The following LYPD4 variants were observed in gnomAD, a reference collection of about 807,000 sequenced individuals.
LYPD4 encodes the protein ly6/PLAUR domain-containing protein 4.
Under a neutral mutation model 18.2 loss-of-function variants are expected in LYPD4, and 20 were observed. The observed-to-expected ratio is 1.10, with a 90% CI of 0.77 to 1.59. LYPD4 has a LOEUF of 1.59. LYPD4 is among the 40% of genes most tolerant of loss of function. LYPD4 has a pLI of 0.00. For synonymous variants in LYPD4, 111 were observed against 118.3 expected (o/e 0.94, Z 0.40); for missense variants, 278 against 300.3 (o/e 0.93, Z 0.55).
chr19:41,839,147 C>T (rs572111469), intron 2 of LYPD4, 72 bp downstream of exon 2: 27 of 1,613,188 alleles, frequency 1.7e-5, no homozygotes, highest in East Asian at 6.7e-5. Context: ...ACCCAGCCCT[C>T]GTTCCACCAG....
At chr19:41,840,808 C>T (rs754925574) in intron 1 of LYPD4, among the ~76,000 whole-genome samples, 9 of 148,956 alleles carry the variant, frequency 6.0e-5, no homozygotes, top group Non-Finnish European at 1.0e-4. Flanking sequence ...CCAGCCTGGA[C>T]GACAGAGCGA....
downstream of LYPD4, chr19:41,836,998 C>T (rs2073386144): frequency 2.1e-6 from 3 of 1,442,624 alleles, no homozygotes; most frequent in Middle Eastern, 2.6e-4. Flanking sequence ...TTCCTGGGTC[C>T]CCACCTCCCT....
chr19:41,836,634 A>G (rs1428430866), downstream of LYPD4, among the ~76,000 whole-genome samples: 2 of 151,960 alleles, frequency 1.3e-5, no homozygotes, highest in African/African-American at 4.8e-5. Context: ...AGTCGCTCCC[A>G]TGTAAAATCC....
chr19:41,837,059 C>T (rs905165118), downstream of LYPD4: 11 of 1,591,324 alleles, frequency 6.9e-6, no homozygotes, highest in Admixed American at 5.2e-5. Context: ...CTCTCATGGA[C>T]CACAGGACAA....
chr19:41,842,764 CAAAAAAAAAAAA>C lies in LYPD4; in HGVS notation c.-121+802_-121+813del, dbSNP rs782233081. On this transcript the variant is annotated intron_variant, in intron 1 of 4. Transcript: ENST00000609812. ...CAATAAGAGTGAAACTCCGTCTAAA[CAAAAAAAAAAAA>C]AAAAAAAAAAAAAAAAAAAAGTACA... Among the ~76,000 whole-genome samples the C allele has an allele frequency of 3.4e-4, 17 of 49,790 alleles. No individual in the cohort carries two copies. The East Asian group carries it at 7.9e-3, about 23-fold the overall frequency. The allele number at this position is 49,790 out of a possible 152,430, so 32.7% of individuals were successfully genotyped here.
intron 1 of LYPD4, among the ~76,000 whole-genome samples, chr19:41,841,686 A>AG (rs11395843): frequency 4.2e-4 from 61 of 143,942 alleles, no homozygotes; most frequent in African/African-American, 1.4e-3. Flanking sequence ...AAAAAAAAAA[A>AG]GTGAAGAAAT....
At chr19:41,835,654 C>T, downstream of LYPD4, 1 of 345,328 alleles carries the variant, frequency 2.9e-6, no homozygotes, top group Non-Finnish European at 4.1e-6. Context: ...AGCCCTGTTC[C>T]ACTTGCTGTG....
At chr19:41,836,756 A>G (rs1555830430), downstream of LYPD4, among the ~76,000 whole-genome samples, 2 of 151,950 alleles carry the variant, frequency 1.3e-5, no homozygotes, top group African/African-American at 4.8e-5. Flanking sequence ...AAAAAAAAAA[A>G]AGAATTGGCC....
At chr19:41,836,287 C>CAA (rs531204341), downstream of LYPD4, among the ~76,000 whole-genome samples, 13 of 19,940 alleles carry the variant, frequency 6.5e-4, 1 homozygote, top group Non-Finnish European at 9.0e-4. Context: ...GCCAACTTAC[C>CAA]AAAAAAAAAA....
intron 2 of LYPD4, 89 bp from the exon 3 acceptor site, chr19:41,839,113 T>C: frequency 1.9e-6 from 3 of 1,611,676 alleles, no homozygotes; most frequent in South Asian, 2.2e-5. Context: ...CCCCCACAGG[T>C]CCTGTCCCCA....
intron 1 of LYPD4, 50 bp downstream of exon 1, chr19:41,843,528 A>G (rs782470085): frequency 6.6e-6 from 1 of 151,878 alleles, no homozygotes; most frequent in Non-Finnish European, 1.5e-5. Flanking sequence ...GCTGGCCTTT[A>G]AGCCTCCCCC....
intron 2 of LYPD4, 25 bp from the exon 3 acceptor site, chr19:41,839,049 C>A: frequency 6.2e-7 from 1 of 1,612,572 alleles, no homozygotes; most frequent in South Asian, 1.1e-5. Context: ...CTCTCCCAGT[C>A]ATTGGCCCCT....
Position 41,838,017 on chromosome 19 carries a change from A to G in LYPD4, c.456T>C (p.Asp152=). 1.2e-6 allele frequency: 2 copies of G among 1,614,124 alleles called. No homozygotes were observed. The highest frequency in any genetic ancestry group is 1.1e-5 in the South Asian group (1 of 91,072). Residue 152 remains aspartate (D), a synonymous_variant, in exon 4 of 5, where the codon GAT becomes GAC. Coordinates refer to ENST00000609812, the MANE Select transcript of LYPD4 (RefSeq NM_173506.7). The stretch of plus-strand genomic sequence containing the variant: ...TAGTGGTGACAAAATTTGGGAGGCA[A>G]TCCTTCATGTGCTCGCCCACACAGG... ...CPTCVGEHMK[D]CLPNFVTTNS...
At chr19:41,840,870 T>C (rs569368036) in intron 1 of LYPD4, among the ~76,000 whole-genome samples, 6 of 152,078 alleles carry the variant, frequency 3.9e-5, no homozygotes, top group East Asian at 1.9e-4. Flanking sequence ...CATCAAAATT[T>C]GAGACACAGC....
At chr19:41,842,103 G>A (rs2073614422) in intron 1 of LYPD4, among the ~76,000 whole-genome samples, 1 of 152,054 alleles carries the variant, frequency 6.6e-6, no homozygotes, top group South Asian at 2.1e-4. Context: ...CCAGGCTGGA[G>A]GACAGCTGTG....
chr19:41,838,546 A>G (rs1555831761), intron 3 of LYPD4, among the ~76,000 whole-genome samples: 1 of 151,840 alleles, frequency 6.6e-6, no homozygotes, highest in Admixed American at 6.6e-5. Context: ...TACCCAGCCC[A>G]CAACACAACC....
At position 41,837,166 on chromosome 19, in the gene LYPD4, G is replaced by C. The variant is rs782475796; in HGVS notation, c.718C>G (p.Leu240Val). Residue 240 changes from leucine to valine, a missense_variant, in exon 5 of 5, where the codon CTC (leucine) becomes GTC (valine). Physicochemically the swap from Leu to Val is conservative, Grantham distance 32 (BLOSUM62 1). Transcript: ENST00000609812. Reference protein sequence around the residue: ...QDPAWGVVLGLLFAFRD With the variant: ...QDPAWGVVLGVLFAFRD The stretch of plus-strand genomic sequence containing the variant: ...GGTCAGTCCCTGAAGGCAAACAGGA[G>C]GCCTAAGACGACACCCCAAGCAGGA... 1.9e-6 allele frequency: 3 copies of C among 1,613,964 alleles called. No individual in the cohort carries two copies. The South Asian group carries it at 3.3e-5, about 18-fold the overall frequency.
At chr19:41,838,324 T>TC (rs2073445947) in intron 3 of LYPD4, 63 bp from the exon 4 acceptor site, 3 of 1,356,476 alleles carry the variant, frequency 2.2e-6, no homozygotes, top group African/African-American at 1.5e-5. Context: ...GAGTCCTCCC[T>TC]CCCCCCAGCT....
chr19:41,838,356 G>A, intron 3 of LYPD4, 95 bp from the exon 4 acceptor site: 2 of 1,107,296 alleles, frequency 1.8e-6, no homozygotes, highest in South Asian at 4.0e-5. Context: ...CACCCTGCCT[G>A]TCACAATCTG....
Sources: gnomAD v4.1 joint callset for allele counts (sites outside exome capture counted in the v4.1 genomes callset) on GRCh38, gnomAD v4.1.1 for gene constraint, MANE v1.5 for transcripts, NCBI Gene and HGNC (gene_info 2026-07-23, HGNC 2026-07-21) for gene names.